MYOM1: variants seen among roughly 807,000 people sequenced by gnomAD.
MYOM1 encodes myomesin-1.
Under a neutral mutation model 205.3 loss-of-function variants are expected in MYOM1, and 164 were observed. The ratio of observed to expected loss-of-function variants is 0.80; its 90% CI spans 0.70 to 0.91. MYOM1 has a LOEUF of 0.91. Ranked by LOEUF, MYOM1 falls within the 40% of genes least tolerant of loss-of-function variation. The probability of loss-of-function intolerance (pLI) is 0.00; values close to 1 mark genes in which losing one functional copy is unlikely to be tolerated. For missense variants in MYOM1, 2,011 were observed against 2,127.3 expected (o/e 0.95, Z 1.08); for synonymous variants, 772 against 789.4 (o/e 0.98, Z 0.37).
rs947691301 is a variant in MYOM1 at position 3,079,162 on chromosome 18, G to A, written c.4648+17C>T. ...ATTCATCTAGAGTAAATTTGAATCTGCAAAATATCTGTTTACCTTGTCCAG... is the reference window on the plus strand; with the variant it reads ...ATTCATCTAGAGTAAATTTGAATCTACAAAATATCTGTTTACCTTGTCCAG... On this transcript the variant is annotated intron_variant, in intron 34 of 37. Coordinates refer to ENST00000356443, the MANE Select transcript of MYOM1 (RefSeq NM_003803.4). 1.2e-6 allele frequency: 2 copies of A among 1,612,242 alleles called. No individual in the cohort carries two copies. Among genetic ancestry groups the A allele is most frequent in the African/African-American group, 2.7e-5 (2 of 74,830 alleles).
chr18:3,095,816 A>G (rs1054500019), intron 25 of MYOM1, among the ~76,000 whole-genome samples: 13 of 152,146 alleles, frequency 8.5e-5, no homozygotes, highest in African/African-American at 3.1e-4. Flanking sequence ...TTCCAGTGTG[A>G]GCAGGATGTC....
chr18:3,115,843 T>A (rs2079597009), intron 21 of MYOM1, among the ~76,000 whole-genome samples: 1 of 152,094 alleles, frequency 6.6e-6, no homozygotes, highest in Non-Finnish European at 1.5e-5. Context: ...GTTCCACTAA[T>A]CTCTGAGAGC....
At chr18:3,157,454 G>A (rs2080317059) in intron 10 of MYOM1, among the ~76,000 whole-genome samples, 1 of 151,990 alleles carries the variant, frequency 6.6e-6, no homozygotes, top group African/African-American at 2.4e-5. Flanking sequence ...ACTTTGGGTA[G>A]ATCACTTGAG....
chr18:3,245,227 A>T, the MYOM1 span, among the ~76,000 whole-genome samples: 1 of 152,240 alleles, frequency 6.6e-6, no homozygotes, highest in Admixed American at 6.5e-5. Flanking sequence ...ATAGGTAGTC[A>T]AGTATTTCTT....
chr18:3,188,666 TAC>T lies in MYOM1; in HGVS notation c.771+80_771+81del, dbSNP rs144550875. ...AAAAAGAAACAAATCAATCTATATC[TAC>T]ACACACACACACACACACACACACC... On this transcript the variant is annotated intron_variant, in intron 4 of 37. Transcript: ENST00000356443. 313,390 of 1,005,360 alleles carry T rather than the reference TAC, an allele frequency of 0.31. 14,173 individuals are homozygous for T. Among genetic ancestry groups the T allele is most frequent in the East Asian group, 0.47 (15,288 of 32,270 alleles). 62.3% of individuals were successfully genotyped at this position (1,005,360 alleles called of 1,614,324 possible).
intron 18 of MYOM1, among the ~76,000 whole-genome samples, chr18:3,128,420 C>T (rs1293908290): frequency 6.6e-6 from 1 of 152,172 alleles, no homozygotes; most frequent in African/African-American, 2.4e-5. Context: ...AAAACAATGT[C>T]TCCTAGGATA....
At chr18:3,087,117 T>G (rs2079163611) in intron 29 of MYOM1, among the ~76,000 whole-genome samples, 1 of 152,154 alleles carries the variant, frequency 6.6e-6, no homozygotes, top group African/African-American at 2.4e-5. Context: ...TGTTACCAGC[T>G]GACATTGCTT....
At chr18:3,236,249 AGAACAGAC>A in the MYOM1 span, among the ~76,000 whole-genome samples, 2 of 152,222 alleles carry the variant, frequency 1.3e-5, no homozygotes, top group African/African-American at 4.8e-5. Flanking sequence ...TGCTATGTGG[AGAACAGAC>A]TATAGGAAGA....
chr18:3,172,100 C>T (rs2080566195), intron 8 of MYOM1, among the ~76,000 whole-genome samples: 1 of 152,196 alleles, frequency 6.6e-6, no homozygotes, highest in Non-Finnish European at 1.5e-5. Flanking sequence ...AGTCTTAGTA[C>T]ATTGTCTGGC....
chr18:3,222,221 T>A (rs925639026), upstream of MYOM1, among the ~76,000 whole-genome samples: 1 of 152,220 alleles, frequency 6.6e-6, no homozygotes, highest in African/African-American at 2.4e-5. Context: ...CAATAATTGA[T>A]TCATATGAGC....
At position 3,156,611 on chromosome 18, in the gene MYOM1, T is replaced by TC. The variant is rs201483804; in HGVS notation, c.1502-1524_1502-1523insG. Among the ~76,000 whole-genome samples, 63 of 150,472 alleles carry TC rather than the reference T, an allele frequency of 4.2e-4. No individual in the cohort carries two copies. In the South Asian group the frequency reaches 0.011, roughly 27 times the overall value. On this transcript the variant is annotated intron_variant, in intron 10 of 37. Coordinates refer to ENST00000356443, the MANE Select transcript of MYOM1 (RefSeq NM_003803.4). The stretch of plus-strand genomic sequence containing the variant: ...TTTGATGAGGAGACACTTCTTTCTT[T>TC]TTTTTTTTTTTTGAGACAGAGTCTT...
intron 22 of MYOM1, among the ~76,000 whole-genome samples, chr18:3,107,085 A>C (rs553213046): frequency 6.6e-6 from 1 of 152,300 alleles, no homozygotes; most frequent in East Asian, 1.9e-4. Flanking sequence ...ACAAATAAAA[A>C]CTATTAAAAC....
Position 3,209,737 on chromosome 18 carries a change from AGATATCACCTTCTCAACAAGGCCT to A in MYOM1, c.290+5173_290+5196del, listed in dbSNP as rs1048396112. On this transcript the variant is annotated intron_variant, in intron 2 of 37. Coordinates refer to ENST00000356443, the MANE Select transcript of MYOM1 (RefSeq NM_003803.4). This position sits in a 1 kb window ranked among gnomAD's most constrained non-coding sequence, Gnocchi z 4.0. ...TCTGAGCTACTTCACTTCTTTGCTC[AGATATCACCTTCTCAACAAGGCCT>A]GACTGCCCTCTTGAAAATTCTAACC... Among the ~76,000 whole-genome samples, 1 of 152,194 alleles carries A rather than the reference AGATATCACCTTCTCAACAAGGCCT, an allele frequency of 6.6e-6. No individual in the cohort carries two copies. The highest frequency in any genetic ancestry group is 1.5e-5 in the Non-Finnish European group (1 of 68,032).
the MYOM1 span, chr18:3,246,151 A>C: frequency 2.0e-5 from 3 of 152,220 alleles, no homozygotes; most frequent in African/African-American, 7.2e-5. Flanking sequence ...TTCTGCTCTA[A>C]AGTGTCCTCT....
At position 3,213,855 on chromosome 18, in the gene MYOM1, T is replaced by G. The variant is rs186462981; in HGVS notation, c.290+1079A>C. Among the ~76,000 whole-genome samples the G allele has an allele frequency of 4.4e-3, 664 of 152,338 alleles. 2 individuals are homozygous for G. Among genetic ancestry groups the G allele is most frequent in the African/African-American group, 0.015 (632 of 41,582 alleles). On this transcript the variant is annotated intron_variant, in intron 2 of 37. Transcript: ENST00000356443. ...TGGTGAGAAGTCCCAGATAAGGGGCTTGGGGATGCAACAGTCCACATTTAT... is the reference window on the plus strand; with the variant it reads ...TGGTGAGAAGTCCCAGATAAGGGGCGTGGGGATGCAACAGTCCACATTTAT...
At chr18:3,151,520 G>A (rs2080222002) in intron 12 of MYOM1, among the ~76,000 whole-genome samples, 174 bp downstream of exon 12, 1 of 148,698 alleles carries the variant, frequency 6.7e-6, no homozygotes, top group Admixed American at 6.7e-5. Context: ...TTAAGAGAAT[G>A]GCTAAGGCAA....
intron 37 of MYOM1, among the ~76,000 whole-genome samples, chr18:3,068,259 G>A (rs2078920481): frequency 6.6e-6 from 1 of 151,326 alleles, no homozygotes; most frequent in Non-Finnish European, 1.5e-5. Context: ...TTCACATGCA[G>A]TTGTAAGAAA....
rs2079841139 is a variant in MYOM1, at chr18:3,129,315, T to G, written c.2711A>C (p.Gln904Pro). The change falls in exon 18 of 38, where the codon CAG becomes CCG. Residue 904 changes from glutamine to proline, a missense_variant. Coordinates refer to ENST00000356443, the MANE Select transcript of MYOM1 (RefSeq NM_003803.4). Reference protein sequence around the residue: ...TEVSKVSETVQEELTPPPQKA... With the variant: ...TEVSKVSETVPEELTPPPQKA... Reference sequence around the variant, plus strand: ...CTGTGGTGGCGGGGTAAGCTCTTCCTGAACTGTTTCACTTACTTTACTCAC... The same window carrying G: ...CTGTGGTGGCGGGGTAAGCTCTTCCGGAACTGTTTCACTTACTTTACTCAC... 1 of 1,614,044 alleles carries G rather than the reference T, an allele frequency of 6.2e-7. No individual in the cohort carries two copies. Among genetic ancestry groups the G allele is most frequent in the Non-Finnish European group, 8.5e-7 (1 of 1,179,888 alleles).
At chr18:3,114,868 CTGTCTCTCTG>C (rs1276255319) in intron 21 of MYOM1, among the ~76,000 whole-genome samples, 1 of 152,110 alleles carries the variant, frequency 6.6e-6, no homozygotes, top group Non-Finnish European at 1.5e-5. Context: ...CTTTCTCTCT[CTGTCTCTCTG>C]TTAAAATTCC....
Sources: gnomAD v4.1 joint callset for allele counts (sites outside exome capture counted in the v4.1 genomes callset) on GRCh38, gnomAD v4.1.1 for gene constraint, Gnocchi (gnomAD v3.1) non-coding constraint, MANE v1.5 for transcripts, NCBI Gene and HGNC (gene_info 2026-07-23, HGNC 2026-07-21) for gene names.